The following RABGAP1L variants were observed in gnomAD, a reference collection of about 807,000 sequenced individuals.
RABGAP1L encodes rab GTPase-activating protein 1-like.
A neutral mutation model predicts 137.7 loss-of-function variants in RABGAP1L; 63 were observed. The observed-to-expected ratio is 0.46, with a 90% CI of 0.37 to 0.56. RABGAP1L has a LOEUF of 0.56. RABGAP1L is among the 20% of genes least tolerant of loss of function. The pLI is 0.00. For synonymous variants in RABGAP1L, 431 were observed against 433.7 expected (o/e 0.99, Z 0.08); for missense variants, 1,095 against 1,244.0 (o/e 0.88, Z 1.80).
At chr1:174,638,971 G>T (rs1447713452) in intron 14 of RABGAP1L, among the ~76,000 whole-genome samples, 2 of 146,296 alleles carry the variant, frequency 1.4e-5, no homozygotes, top group African/African-American at 5.1e-5. Context: ...CACCAGCATG[G>T]CACATGTATA....
intron 7 of RABGAP1L, among the ~76,000 whole-genome samples, chr1:174,256,812 C>T (rs554630447): frequency 6.6e-6 from 1 of 152,026 alleles, no homozygotes; most frequent in East Asian, 1.9e-4. Flanking sequence ...CAACCAACCA[C>T]GAAAATATAT....
intron 10 of RABGAP1L, 151 bp downstream of exon 10, chr1:174,278,930 A>G (rs895944865): frequency 2.9e-6 from 2 of 683,030 alleles, no homozygotes; most frequent in South Asian, 4.2e-5. Flanking sequence ...AGAGTGTTTG[A>G]AAAAGTCACA....
chr1:174,195,713 TTTTC>T (rs774609455), intron 1 of RABGAP1L, among the ~76,000 whole-genome samples: 1 of 85,248 alleles, frequency 1.2e-5, no homozygotes, highest in Non-Finnish European at 2.4e-5. Flanking sequence ...TCCTTCTTTC[TTTTC>T]TTTCTTTTCT....
intron 24 of RABGAP1L, among the ~76,000 whole-genome samples, chr1:174,987,848 C>T (rs900500041): frequency 6.6e-6 from 1 of 151,990 alleles, no homozygotes; most frequent in African/African-American, 2.4e-5. Flanking sequence ...CTCATTCTCT[C>T]GCCCAGGCTG....
intron 13 of RABGAP1L, among the ~76,000 whole-genome samples, chr1:174,546,120 G>C (rs1044444311): frequency 6.6e-6 from 1 of 152,036 alleles, no homozygotes; most frequent in Non-Finnish European, 1.5e-5. Context: ...TTGATATTCT[G>C]GTAGCTCTTC....
Position 174,448,789 on chromosome 1 carries a change from T to C in RABGAP1L, c.1710+54644T>C, listed in dbSNP as rs747721479. 6.2e-6 allele frequency: 10 copies of C among 1,614,016 alleles called. No individual in the cohort carries two copies. Among genetic ancestry groups the C allele is most frequent in the Non-Finnish European group, 8.5e-6 (10 of 1,179,936 alleles). On this transcript the variant is annotated intron_variant, in intron 13 of 25. Coordinates refer to ENST00000681986, the MANE Select transcript of RABGAP1L (RefSeq NM_001366446.1). This position sits in a 1 kb window ranked among gnomAD's most constrained non-coding sequence, Gnocchi z 4.2. Reference sequence around the variant, plus strand: ...TTGTCTGCTTCACTTACTTCCACATTTTCAAAATTTGCCGTCAGCACACCA... The same window carrying C: ...TTGTCTGCTTCACTTACTTCCACATCTTCAAAATTTGCCGTCAGCACACCA...
Position 174,261,809 on chromosome 1 carries a change from A to G in RABGAP1L, c.986+9219A>G, listed in dbSNP as rs550694738. Among the ~76,000 whole-genome samples, 6 of 152,326 alleles carry G rather than the reference A, an allele frequency of 3.9e-5. No homozygotes were observed. In the East Asian group the frequency reaches 1.2e-3, roughly 29 times the overall value. On this transcript the variant is annotated intron_variant, in intron 7 of 25. Transcript: ENST00000681986. ...ACTATCTTGAAGTTGCCTAGATGTCAGTCTGATTTGGATGTTTTATTCTCT... is the reference window on the plus strand; with the variant it reads ...ACTATCTTGAAGTTGCCTAGATGTCGGTCTGATTTGGATGTTTTATTCTCT...
At chr1:174,282,532 T>C (rs1221671034) in intron 10 of RABGAP1L, among the ~76,000 whole-genome samples, 1 of 152,234 alleles carries the variant, frequency 6.6e-6, no homozygotes, top group Non-Finnish European at 1.5e-5. Context: ...TTTTGTCAGA[T>C]ACACATATTT....
At chr1:174,862,129 A>G (rs987693135) in intron 19 of RABGAP1L, among the ~76,000 whole-genome samples, 8 of 152,198 alleles carry the variant, frequency 5.3e-5, no homozygotes, top group East Asian at 1.9e-4. Context: ...ATGGTATAAG[A>G]TAAGGGTCCA....
intron 4 of RABGAP1L, among the ~76,000 whole-genome samples, chr1:174,237,070 T>G (rs2148532522): frequency 6.8e-6 from 1 of 147,280 alleles, no homozygotes; most frequent in Non-Finnish European, 1.5e-5. Flanking sequence ...AAGTCTGTTT[T>G]ATCAGAGACT....
intron 17 of RABGAP1L, among the ~76,000 whole-genome samples, chr1:174,715,890 C>A (rs1040179999): frequency 2.0e-5 from 3 of 152,118 alleles, no homozygotes; most frequent in Non-Finnish European, 4.4e-5. Context: ...TATTCTTTTC[C>A]AGCTGCACTT....
chr1:174,718,283 C>T (rs1319569410), intron 17 of RABGAP1L, among the ~76,000 whole-genome samples: 3 of 152,080 alleles, frequency 2.0e-5, no homozygotes, highest in Admixed American at 6.6e-5. Flanking sequence ...GAAAGAAAAC[C>T]ACTTAGCACT....
At chr1:174,718,724 G>A (rs776550275) in intron 17 of RABGAP1L, among the ~76,000 whole-genome samples, 1 of 152,124 alleles carries the variant, frequency 6.6e-6, no homozygotes, top group Non-Finnish European at 1.5e-5. Context: ...GGGAAGGAGA[G>A]GAGAGAAATT....
intron 11 of RABGAP1L, among the ~76,000 whole-genome samples, chr1:174,364,498 C>T (rs1684442962): frequency 6.6e-6 from 1 of 151,716 alleles, no homozygotes; most frequent in African/African-American, 2.4e-5. Context: ...TCGTGATCCA[C>T]CCGCCTCGGC....
intron 12 of RABGAP1L, among the ~76,000 whole-genome samples, chr1:174,386,848 A>T (rs1686838217): frequency 6.6e-6 from 1 of 152,134 alleles, no homozygotes; most frequent in Admixed American, 6.6e-5. Context: ...CTAGTGAGTA[A>T]GTGAATAAAC....
chr1:174,338,609 G>A (rs1558144956), intron 11 of RABGAP1L, among the ~76,000 whole-genome samples: 2 of 151,342 alleles, frequency 1.3e-5, no homozygotes, highest in African/African-American at 4.9e-5. Context: ...CCTATTTAGT[G>A]TATGTGGGAA....
chr1:174,613,606 T>C (rs930765810), intron 13 of RABGAP1L, among the ~76,000 whole-genome samples: 2 of 152,200 alleles, frequency 1.3e-5, no homozygotes, highest in Admixed American at 6.5e-5. Flanking sequence ...AATTCCTGGA[T>C]ATCCTTGTTA....
intron 1 of RABGAP1L, among the ~76,000 whole-genome samples, chr1:174,181,993 G>C (rs1362107852): frequency 6.6e-6 from 1 of 152,188 alleles, no homozygotes; most frequent in Non-Finnish European, 1.5e-5. Flanking sequence ...ATAAATTTCA[G>C]GATAGAAGAA....
chr1:174,654,936 C>G (rs1449210642), intron 14 of RABGAP1L, among the ~76,000 whole-genome samples: 1 of 103,106 alleles, frequency 9.7e-6, no homozygotes, highest in Non-Finnish European at 1.8e-5. Flanking sequence ...ATGTAATAAC[C>G]TTTTTTAAAC....
Sources: gnomAD v4.1 joint callset for allele counts (sites outside exome capture counted in the v4.1 genomes callset) on GRCh38, gnomAD v4.1.1 for gene constraint, Gnocchi (gnomAD v3.1) non-coding constraint, MANE v1.5 for transcripts, NCBI Gene and HGNC (gene_info 2026-07-23, HGNC 2026-07-21) for gene names.